ZBTB43: variants seen among roughly 807,000 people sequenced by gnomAD.
The protein encoded by ZBTB43 is zinc finger and BTB domain-containing protein 43.
A neutral mutation model predicts 31.1 loss-of-function variants in ZBTB43; 6 were observed. That is an observed-to-expected ratio of 0.19 (90% CI 0.11 to 0.38). The LOEUF is 0.38. ZBTB43 is among the 10% of genes least tolerant of loss of function. ZBTB43 has a pLI of 1.00. For missense variants in ZBTB43, 379 were observed against 602.1 expected, an observed-to-expected ratio of 0.63 and a Z score of 3.88; for synonymous variants, 212 against 221.7, an observed-to-expected ratio of 0.96 and a Z score of 0.39.
At chr9:126,814,797 AG>A (rs2032338515) in intron 2 of ZBTB43, among the ~76,000 whole-genome samples, 1 of 152,064 alleles carries the variant, frequency 6.6e-6, no homozygotes, top group South Asian at 2.1e-4. Context: ...TGTCTAAAAA[AG>A]AAAGAAAGAA....
In ZBTB43 at chr9:126,805,586, TC is replaced by T. The variant is rs2032107802; in HGVS notation, c.-147+458del. 2.6e-5 allele frequency among the ~76,000 whole-genome samples: 4 copies of T among 152,218 alleles called. No individual in the cohort carries two copies. In the South Asian group the frequency reaches 8.3e-4, roughly 32 times the overall value. On this transcript the variant is annotated intron_variant, in intron 1 of 2. Transcript: ENST00000373464. Reference sequence around the variant, plus strand: ...TTCTGTTTAAGTAAAACATTCAGCATCCCCTGTTGCTGTCTCTGTCACCTGT... The same window carrying T: ...TTCTGTTTAAGTAAAACATTCAGCATCCCTGTTGCTGTCTCTGTCACCTGT...
chr9:126,806,576 A>G lies in ZBTB43; in HGVS notation c.-147+1444A>G, dbSNP rs138927338. ...TTGTGATGATTGCACAACATTGTGA[A>G]TGTACTTCACTGAATTGGACTCTTA... is the stretch of plus-strand genomic sequence containing the variant. On this transcript the variant is annotated intron_variant, in intron 1 of 2. Transcript: ENST00000373464. 4.3e-3 allele frequency among the ~76,000 whole-genome samples: 659 copies of G among 152,312 alleles called. 11 individuals are homozygous for G. In the East Asian group the frequency reaches 0.062, roughly 14 times the overall value.
chr9:126,813,339 A>G (rs77302848), intron 2 of ZBTB43, among the ~76,000 whole-genome samples: 2,116 of 152,238 alleles, frequency 0.014, 54 homozygotes, highest in African/African-American at 0.048. Context: ...ATTAGCTTCT[A>G]CTTCAGACTT....
chr9:126,833,206 A>G lies in ZBTB43; in HGVS notation c.697A>G (p.Ser233Gly). The change falls in exon 3 of 3, where the codon AGC becomes GGC. Residue 233 changes from serine (S) to glycine (G), a missense_variant. Ser to Gly is a moderately conservative substitution (Grantham distance 56). Around this residue, in one of 5 missense-constraint regions of ZBTB43, gnomAD observed 253 missense variants for 322.3 expected, o/e 0.79. Coordinates refer to ENST00000373464, the MANE Select transcript of ZBTB43 (RefSeq NM_014007.4). This position sits in a 1 kb window ranked among gnomAD's most constrained non-coding sequence, Gnocchi z 7.9. ...GTTCCACTACACCCGGCCCATGTAC[A>G]GCAAGCCCAGCATCATGGCTCACAA... ...AEFHYTRPMY[S>G]KPSIMAHKRW... The G allele has an allele frequency of 6.2e-7, 1 of 1,613,706 alleles. No homozygotes were observed. The highest frequency in any genetic ancestry group is 8.5e-7 in the Non-Finnish European group (1 of 1,180,018).
intron 2 of ZBTB43, among the ~76,000 whole-genome samples, chr9:126,810,925 A>G (rs2032234565): frequency 6.6e-6 from 1 of 152,020 alleles, no homozygotes; most frequent in African/African-American, 2.4e-5. Context: ...CTCTGAAACT[A>G]TAGTGATATT....
intron 2 of ZBTB43, among the ~76,000 whole-genome samples, chr9:126,810,716 G>A (rs1004365016): frequency 6.6e-6 from 1 of 150,476 alleles, no homozygotes; most frequent in African/African-American, 2.4e-5. Flanking sequence ...TGTTGGCCAG[G>A]ATGGTCTCCA....
intron 2 of ZBTB43, among the ~76,000 whole-genome samples, chr9:126,811,784 C>T (rs746212913): frequency 2.0e-5 from 3 of 152,124 alleles, no homozygotes; most frequent in Non-Finnish European, 2.9e-5. Context: ...CACCACCACA[C>T]GCAGCTAATT....
In ZBTB43 at chr9:126,836,702, G is replaced by A. The variant is rs1429908582; in HGVS notation, c.*2789G>A. On this transcript the variant is annotated 3_prime_UTR_variant, in exon 3 of 3. Transcript: ENST00000373464. ...GTTCAAACAATCTTTCAGGGATCAC[G>A]TCAATGGCCTACAACCAAGCTATTT... The A allele has an allele frequency of 6.0e-6, 1 of 167,118 alleles. No individual in the cohort carries two copies. The highest frequency in any genetic ancestry group is 1.5e-5 in the Non-Finnish European group (1 of 68,094). 10.4% of individuals were successfully genotyped at this position (167,118 alleles called of 1,614,324 possible).
rs780738916 is a variant in ZBTB43, at chr9:126,833,340, G to A, written c.831G>A (p.Gln277=). 1.9e-6 allele frequency: 3 copies of A among 1,612,924 alleles called. No individual in the cohort carries two copies. The African/African-American group carries it at 4.0e-5, about 22-fold the overall frequency. Residue 277 remains glutamine (Q), a synonymous_variant, in exon 3 of 3, where the codon CAG becomes CAA. Transcript: ENST00000373464. The surrounding 1 kb of genome is among the most constrained non-coding windows in gnomAD (Gnocchi z 7.9). ...HQVTESINTV[Q]TEHTVQPSGV... is the part of the protein sequence containing the mutation. The stretch of plus-strand genomic sequence containing the variant: ...TCACAGAGTCCATCAACACCGTGCA[G>A]ACAGAGCACACGGTGCAGCCTTCGG...
In ZBTB43 at chr9:126,832,711, A is replaced by C. The variant is rs1202798321; in HGVS notation, c.202A>C (p.Arg68=). 1.9e-6 allele frequency: 3 copies of C among 1,614,056 alleles called. No homozygotes were observed. The highest frequency in any genetic ancestry group is 2.7e-5 in the African/African-American group (2 of 74,920). The change falls in exon 3 of 3, where the codon AGG becomes CGG. Residue 68 remains arginine, a synonymous_variant. Coordinates refer to ENST00000373464, the MANE Select transcript of ZBTB43 (RefSeq NM_014007.4). ...TGACCAGGTACTCCTGAAAAACAGC[A>C]GGAGAATTGTTTTGCCTGATGTGAT... The part of the protein sequence containing the change: ...FCDQVLLKNS[R]RIVLPDVMNP...
chr9:126,826,828 A>G lies in ZBTB43; in HGVS notation c.-23-5659A>G, dbSNP rs78295725. 0.022 allele frequency among the ~76,000 whole-genome samples: 3,392 copies of G among 152,100 alleles called. 449 individuals are homozygous for G. In the East Asian group the frequency reaches 0.39, roughly 17 times the overall value. On this transcript the variant is annotated intron_variant, in intron 2 of 2. Coordinates refer to ENST00000373464, the MANE Select transcript of ZBTB43 (RefSeq NM_014007.4). ...TCGTTGTCCTGATTTTCTTTACTTT[A>G]TTCATTATTTTCTTTTGTTCTTTGA... is the stretch of plus-strand genomic sequence containing the variant.
chr9:126,825,842 A>ATTTTTTTTTTTTTTTTTTTTTTTTT (rs72512629), intron 2 of ZBTB43, among the ~76,000 whole-genome samples: 1 of 91,202 alleles, frequency 1.1e-5, no homozygotes, highest in South Asian at 3.7e-4. Flanking sequence ...TCCTTTTTAT[A>ATTTTTTTTTTTTTTTTTTTTTTTTT]TTTTTTTTTT....
At chr9:126,818,119 CTTTTTTT>C (rs573239954) in intron 2 of ZBTB43, among the ~76,000 whole-genome samples, 1 of 133,370 alleles carries the variant, frequency 7.5e-6, no homozygotes, top group East Asian at 2.2e-4. Context: ...TTTTCTTTTT[CTTTTTTT>C]TTTTTTTTCC....
chr9:126,825,934 C>T (rs1470794947), intron 2 of ZBTB43, among the ~76,000 whole-genome samples: 1 of 150,390 alleles, frequency 6.6e-6, no homozygotes, highest in Non-Finnish European at 1.5e-5. Flanking sequence ...CAACCTCCTG[C>T]CTCCCGGGCT....
At chr9:126,816,358 A>G (rs1003882521) in intron 2 of ZBTB43, among the ~76,000 whole-genome samples, 9 of 152,220 alleles carry the variant, frequency 5.9e-5, no homozygotes, top group South Asian at 2.1e-4. Context: ...CTGATACCCT[A>G]TCATTAATTC....
intron 2 of ZBTB43, among the ~76,000 whole-genome samples, chr9:126,824,113 A>G (rs750973467): frequency 3.3e-5 from 5 of 152,068 alleles, no homozygotes; most frequent in Non-Finnish European, 7.4e-5. Context: ...TGCAACCTCA[A>G]CCTCCTGGGT....
At chr9:126,821,526 G>A (rs2032508548) in intron 2 of ZBTB43, among the ~76,000 whole-genome samples, 1 of 152,214 alleles carries the variant, frequency 6.6e-6, no homozygotes, top group Non-Finnish European at 1.5e-5. Context: ...TGACTTTGAG[G>A]GGCTCAAGAC....
chr9:126,837,785 C>T lies in ZBTB43; in HGVS notation c.*3872C>T, dbSNP rs1350491752. 1 of 165,026 alleles carries T rather than the reference C, an allele frequency of 6.1e-6. No individual in the cohort carries two copies. The highest frequency in any genetic ancestry group is 1.5e-5 in the Non-Finnish European group (1 of 67,866). 10.2% of individuals were successfully genotyped at this position (165,026 alleles called of 1,614,324 possible). ...AAGGTACAAGTTTCTTATTTCAAAT[C>T]TCTACTGATAGTGCCCTATGGGGAG... On this transcript the variant is annotated 3_prime_UTR_variant, in exon 3 of 3. Transcript: ENST00000373464.
chr9:126,830,172 A>G (rs905046673), intron 2 of ZBTB43, among the ~76,000 whole-genome samples: 1 of 152,248 alleles, frequency 6.6e-6, no homozygotes, highest in Non-Finnish European at 1.5e-5. Context: ...GCTGAACTTC[A>G]GACGATCAAG....
Sources: gnomAD v4.1 joint callset for allele counts (sites outside exome capture counted in the v4.1 genomes callset) on GRCh38, gnomAD v4.1.1 for gene constraint, gnomAD v4.1.1 regional missense constraint, Gnocchi (gnomAD v3.1) non-coding constraint, MANE v1.5 for transcripts, NCBI Gene and HGNC (gene_info 2026-07-23, HGNC 2026-07-21) for gene names.